Variants in SLC9A7 observed in about 807,000 individuals in gnomAD.
SLC9A7 encodes the protein solute carrier family 9 member A7.
A neutral mutation model predicts 52.6 loss-of-function variants in SLC9A7; 19 were observed. The ratio of observed to expected loss-of-function variants is 0.36; its 90% CI spans 0.25 to 0.53. The LOEUF (loss-of-function observed/expected upper bound fraction) is 0.53, where lower values mean the gene tolerates loss of function less well. Ranked by LOEUF, SLC9A7 falls within the 20% of genes least tolerant of loss-of-function variation. SLC9A7 has a pLI of 0.91. For synonymous variants in SLC9A7, 226 were observed against 252.1 expected, an observed-to-expected ratio of 0.90 and a Z score of 0.98; for missense variants, 455 against 597.9, an observed-to-expected ratio of 0.76 and a Z score of 2.49.
At chrX:46,738,355 C>A (rs1422771345) in intron 1 of SLC9A7, among the ~76,000 whole-genome samples, 1 of 112,481 alleles carries the variant, frequency 8.9e-6, no homozygotes, top group African/African-American at 3.2e-5. Context: ...GCCCTCCACA[C>A]CAGCAAGGGC....
intron 1 of SLC9A7, among the ~76,000 whole-genome samples, chrX:46,738,061 AAGAAAG>A (rs1945155623): frequency 1.5e-5 from 1 of 68,473 alleles, no homozygotes; most frequent in Non-Finnish European, 3.6e-5. Flanking sequence ...GAAAGAAAGA[AAGAAAG>A]AAAGAAAGAA....
intron 1 of SLC9A7, among the ~76,000 whole-genome samples, chrX:46,712,565 G>C (rs1021589121): frequency 8.9e-6 from 1 of 111,746 alleles, no homozygotes; most frequent in Non-Finnish European, 1.9e-5. Flanking sequence ...ATGAGATTTG[G>C]AGGGGACAAA....
rs58544637 is a variant in SLC9A7 at position 46,738,031 on chromosome X, AAAAGAAAGAAAGAAAGAAAGAAAGAAAG to A, written c.325+20646_325+20673del. ...AACAGAGTGAGACCCTGTCTCAAAA[AAAAGAAAGAAAGAAAGAAAGAAAGAAAG>A]AAAGAAAGAAAGAAAGAAAGAAAGA... is the stretch of plus-strand genomic sequence containing the variant. On this transcript the variant is annotated intron_variant, in intron 1 of 16. Coordinates refer to ENST00000616978, the MANE Select transcript of SLC9A7 (RefSeq NM_001257291.2). Among the ~76,000 whole-genome samples the A allele has an allele frequency of 9.7e-3, 681 of 70,382 alleles. 8 individuals are homozygous for A. Among genetic ancestry groups the A allele is most frequent in the Middle Eastern group, 0.02 (3 of 151 alleles). The allele number at this position is 70,382 out of a possible 115,157, so 61.1% of individuals were successfully genotyped here. A position where few individuals can be genotyped will look rare whatever the true frequency, so the allele number is the denominator to read the frequency against.
At chrX:46,649,527 T>C (rs989028005) in intron 10 of SLC9A7, among the ~76,000 whole-genome samples, 2 of 112,002 alleles carry the variant, frequency 1.8e-5, no homozygotes, top group Admixed American at 9.4e-5. Context: ...ACTGGTCCTT[T>C]GTTACTTGCT....
At chrX:46,630,827 A>G (rs190561476) in intron 14 of SLC9A7, among the ~76,000 whole-genome samples, 1 of 112,344 alleles carries the variant, frequency 8.9e-6, no homozygotes, top group East Asian at 2.8e-4. Context: ...AGAACTTGCA[A>G]GATTAGGTCA....
intron 1 of SLC9A7, among the ~76,000 whole-genome samples, chrX:46,729,558 G>A (rs1944995674): frequency 1.8e-5 from 2 of 111,264 alleles, no homozygotes; most frequent in African/African-American, 6.5e-5. Flanking sequence ...TGGATCACCT[G>A]AGGTCAAGAG....
At chrX:46,733,406 A>G (rs1945073450) in intron 1 of SLC9A7, among the ~76,000 whole-genome samples, 1 of 112,126 alleles carries the variant, frequency 8.9e-6, no homozygotes, top group African/African-American at 3.2e-5. Context: ...CTAGACAATG[A>G]CTCAAAGCCA....
chrX:46,732,419 G>A (rs1221100949), intron 1 of SLC9A7, among the ~76,000 whole-genome samples: 1 of 110,266 alleles, frequency 9.1e-6, no homozygotes, highest in Non-Finnish European at 1.9e-5. Flanking sequence ...TGGGCATGGT[G>A]GTGGGCACCT....
At chrX:46,674,726 C>T (rs188105382) in intron 3 of SLC9A7, among the ~76,000 whole-genome samples, 67 of 111,757 alleles carry the variant, frequency 6.0e-4, no homozygotes, top group African/African-American at 1.8e-3. Flanking sequence ...ATCTTTCATC[C>T]CACCCTTATT....
chrX:46,709,051 G>C (rs888550984), intron 1 of SLC9A7, among the ~76,000 whole-genome samples: 1 of 111,148 alleles, frequency 9.0e-6, no homozygotes, highest in Non-Finnish European at 1.9e-5. Flanking sequence ...AGGCAGTGTC[G>C]TGGGATGTGC....
At chrX:46,652,301 C>T (rs925671624) in intron 8 of SLC9A7, among the ~76,000 whole-genome samples, 1 of 111,087 alleles carries the variant, frequency 9.0e-6, no homozygotes, top group Non-Finnish European at 1.9e-5. Flanking sequence ...CAGATGCACA[C>T]CACCACACCC....
At chrX:46,733,141 T>C (rs1945069681) in intron 1 of SLC9A7, among the ~76,000 whole-genome samples, 1 of 112,299 alleles carries the variant, frequency 8.9e-6, no homozygotes, top group South Asian at 3.7e-4. Flanking sequence ...ACCTTTTCAA[T>C]CTGTCCCTTT....
Position 46,654,153 on chromosome X carries a change from C to A in SLC9A7, c.1042-439G>T, listed in dbSNP as rs1409123248. ...TGCCTGTAATCCTAGCACTTTGGGACCCGAGGCAGGTGGATCACCTGAGGT... is the reference window on the plus strand; with the variant it reads ...TGCCTGTAATCCTAGCACTTTGGGAACCGAGGCAGGTGGATCACCTGAGGT... On this transcript the variant is annotated intron_variant, in intron 7 of 16. Transcript: ENST00000616978. Among the ~76,000 whole-genome samples the A allele has an allele frequency of 2.7e-5, 3 of 110,919 alleles. No individual in the cohort carries two copies. The Admixed American group carries it at 2.9e-4, about 11-fold the overall frequency.
chrX:46,706,233 C>CCAT (rs1388546880), intron 1 of SLC9A7, among the ~76,000 whole-genome samples: 1 of 97,087 alleles, frequency 1.0e-5, no homozygotes, highest in Non-Finnish European at 2.1e-5. Context: ...GCGGCTTTTG[C>CCAT]CATTGAAAGT....
chrX:46,715,352 T>C (rs765156757), intron 1 of SLC9A7, among the ~76,000 whole-genome samples: 3 of 111,863 alleles, frequency 2.7e-5, no homozygotes, highest in Non-Finnish European at 5.6e-5. Flanking sequence ...AGGCATACAG[T>C]AGGCATTCAA....
intron 3 of SLC9A7, among the ~76,000 whole-genome samples, chrX:46,677,226 C>G (rs1944133847): frequency 8.9e-6 from 1 of 111,990 alleles, no homozygotes; most frequent in African/African-American, 3.2e-5. Context: ...TGTTCTTGCT[C>G]CTCTAGCCTC....
intron 3 of SLC9A7, 36 bp from the exon 4 acceptor site, chrX:46,672,663 A>G (rs765693191): frequency 9.7e-7 from 1 of 1,035,121 alleles, no homozygotes; most frequent in South Asian, 2.0e-5. Flanking sequence ...CAGGAATCAC[A>G]TTGTGATTTT....
intron 1 of SLC9A7, among the ~76,000 whole-genome samples, chrX:46,699,651 C>T (rs752911878): frequency 1.1e-4 from 12 of 111,385 alleles, no homozygotes; most frequent in Non-Finnish European, 2.1e-4. Context: ...ACTAGCTCTG[C>T]CACTAATAAA....
intron 5 of SLC9A7, among the ~76,000 whole-genome samples, chrX:46,664,579 C>T: frequency 9.0e-6 from 1 of 110,886 alleles, no homozygotes; most frequent in African/African-American, 3.3e-5. Context: ...TTTGTCAGTC[C>T]CCTATATGTC....
Sources: gnomAD v4.1 joint callset for allele counts (sites outside exome capture counted in the v4.1 genomes callset) on GRCh38, gnomAD v4.1.1 for gene constraint, MANE v1.5 for transcripts, NCBI Gene and HGNC (gene_info 2026-07-23, HGNC 2026-07-21) for gene names.